Variants in MYO16 observed in about 807,000 individuals in gnomAD.
MYO16 encodes myosin XVI, also known as unconventional myosin-XVI.
MYO16 carries 94 observed loss-of-function variants against 205.3 expected under a neutral mutation model. That is an observed-to-expected ratio of 0.46 (90% CI 0.39 to 0.54). The LOEUF is 0.54. Among genes scored for constraint, MYO16 ranks in the 20% least tolerant of loss-of-function variants. MYO16 has a pLI of 0.00. For missense variants in MYO16, 2,315 were observed against 2,387.5 expected, an observed-to-expected ratio of 0.97 and a Z score of 0.63; for synonymous variants, 988 against 954.0, an observed-to-expected ratio of 1.04 and a Z score of -0.66.
intron 23 of MYO16, among the ~76,000 whole-genome samples, chr13:109,035,288 T>A (rs1886681914): frequency 6.6e-6 from 1 of 152,102 alleles, no homozygotes; most frequent in Non-Finnish European, 1.5e-5. Context: ...TAGCCCTGAG[T>A]ATACTTATAG....
intron 20 of MYO16, among the ~76,000 whole-genome samples, chr13:108,966,078 T>A (rs1883782781): frequency 1.3e-5 from 2 of 152,178 alleles, no homozygotes; most frequent in South Asian, 2.1e-4. Flanking sequence ...AATGTACACA[T>A]CTCAAATCCC....
intron 23 of MYO16, among the ~76,000 whole-genome samples, chr13:109,022,515 TTTG>T (rs1460887394): frequency 1.3e-4 from 2 of 14,852 alleles, no homozygotes; most frequent in African/African-American, 3.2e-4. Flanking sequence ...TATGTATATA[TTTG>T]TTATATATAC....
rs369631949 is a variant in MYO16, at chr13:108,790,109, G to A, written c.617-3407G>A. On this transcript the variant is annotated intron_variant, in intron 5 of 34. Transcript: ENST00000457511. ...TTGGAAAAGCCACGGAAGAGAGGTG[G>A]CGCAGATCCTCCCACAACTCGGGAG... Among the ~76,000 whole-genome samples, 25 of 152,292 alleles carry A rather than the reference G, an allele frequency of 1.6e-4. 2 individuals carry two copies. In the South Asian group the frequency reaches 5.2e-3, roughly 32 times the overall value.
At chr13:108,667,902 G>T (rs962806248) in intron 2 of MYO16, among the ~76,000 whole-genome samples, 2 of 151,960 alleles carry the variant, frequency 1.3e-5, no homozygotes, top group Non-Finnish European at 2.9e-5. Context: ...TTTAAAATTA[G>T]CTGGACCTGG....
In MYO16 at chr13:109,104,722, G is replaced by T. The variant is rs1889069500; in HGVS notation, c.3438+3835G>T. On this transcript the variant is annotated intron_variant, in intron 28 of 34. Coordinates refer to ENST00000457511, the MANE Select transcript of MYO16 (RefSeq NM_001198950.3). The stretch of plus-strand genomic sequence containing the variant: ...AAATGCATGTCAAAGGAGCATCGCT[G>T]CACCTTCGCAGCTAGAGCAAAGGCA... Among the ~76,000 whole-genome samples, 4 of 152,174 alleles carry T rather than the reference G, an allele frequency of 2.6e-5. No individual in the cohort carries two copies. In the South Asian group the frequency reaches 8.3e-4, roughly 32 times the overall value.
intron 27 of MYO16, among the ~76,000 whole-genome samples, chr13:109,088,479 T>C (rs2139684050): frequency 1.3e-5 from 2 of 152,284 alleles, no homozygotes; most frequent in Admixed American, 1.3e-4. Flanking sequence ...TCTTAGCAGA[T>C]GCTCTGAATT....
chr13:109,040,007 C>T (rs1886830492), intron 23 of MYO16, among the ~76,000 whole-genome samples: 1 of 151,914 alleles, frequency 6.6e-6, no homozygotes, highest in Admixed American at 6.6e-5. Flanking sequence ...TCATTATAGG[C>T]CCTGTAGACA....
chr13:108,752,659 T>G (rs76156703), intron 4 of MYO16, among the ~76,000 whole-genome samples: 1 of 151,024 alleles, frequency 6.6e-6, no homozygotes, highest in Non-Finnish European at 1.5e-5. Flanking sequence ...TTTTTTTTTT[T>G]GAGACGGAGT....
In MYO16 at chr13:109,055,561, C is replaced by T. The variant is rs1043293046; in HGVS notation, c.3301C>T (p.Pro1101Ser). 8.1e-6 allele frequency: 13 copies of T among 1,612,030 alleles called. No homozygotes were observed. Among genetic ancestry groups the T allele is most frequent in the Non-Finnish European group, 9.3e-6 (11 of 1,179,280 alleles). The change falls in exon 27 of 35, where the codon CCT (proline) becomes TCT (serine). Residue 1101 changes from proline (P) to serine (S), a missense_variant. Transcript: ENST00000457511. This position sits in a 1 kb window ranked among gnomAD's most constrained non-coding sequence, Gnocchi z 5.0. ...GGTGAAGATCTTCCGATATGGATACCCTGTTCGCCTTTCCTTCTCGGATTT... is the reference window on the plus strand; with the variant it reads ...GGTGAAGATCTTCCGATATGGATACTCTGTTCGCCTTTCCTTCTCGGATTT... ...EMVKIFRYGY[P>S]VRLSFSDFLS...
chr13:108,770,851 A>G (rs138755773), intron 4 of MYO16, among the ~76,000 whole-genome samples: 7 of 152,252 alleles, frequency 4.6e-5, no homozygotes, highest in Non-Finnish European at 1.0e-4. Flanking sequence ...TACCTAGACA[A>G]CAAGTCTAGG....
intron 34 of MYO16, among the ~76,000 whole-genome samples, chr13:109,199,238 AT>A (rs1880309002): frequency 1.0e-5 from 1 of 97,632 alleles, no homozygotes; most frequent in African/African-American, 3.9e-5. Flanking sequence ...ATATATATAT[AT>A]ACCGTCATTT....
chr13:109,002,354 G>A (rs1271138808), intron 21 of MYO16, among the ~76,000 whole-genome samples: 2 of 152,146 alleles, frequency 1.3e-5, no homozygotes, highest in Non-Finnish European at 2.9e-5. Flanking sequence ...AGCAGTTGGT[G>A]GAAATTTACT....
At chr13:109,191,370 T>A (rs541184532) in intron 34 of MYO16, among the ~76,000 whole-genome samples, 9 of 152,004 alleles carry the variant, frequency 5.9e-5, no homozygotes, top group African/African-American at 2.2e-4. Context: ...AATTCTAGCA[T>A]GGAAAAATAG....
intron 1 of MYO16, among the ~76,000 whole-genome samples, chr13:108,641,256 A>G (rs1880490639): frequency 6.6e-6 from 1 of 152,234 alleles, no homozygotes; most frequent in African/African-American, 2.4e-5. Context: ...GTTCAGCTTA[A>G]CACAGTCTTT....
intron 21 of MYO16, among the ~76,000 whole-genome samples, chr13:108,994,049 G>C (rs540425824): frequency 6.6e-6 from 1 of 152,064 alleles, no homozygotes; most frequent in Non-Finnish European, 1.5e-5. Context: ...TGATGAATAC[G>C]TGCAAAACTT....
At chr13:108,789,255 T>C (rs1243357849) in intron 5 of MYO16, among the ~76,000 whole-genome samples, 1 of 152,214 alleles carries the variant, frequency 6.6e-6, no homozygotes, top group African/African-American at 2.4e-5. Context: ...TGTTGCCAAT[T>C]CTTACAGATT....
At chr13:108,574,304 A>G in the MYO16 span, among the ~76,000 whole-genome samples, 1 of 152,138 alleles carries the variant, frequency 6.6e-6, no homozygotes, top group East Asian at 1.9e-4. Context: ...TAAAAGCTCC[A>G]TGGTTATATG....
At chr13:108,518,454 G>A in the MYO16 span, among the ~76,000 whole-genome samples, 1 of 152,076 alleles carries the variant, frequency 6.6e-6, no homozygotes, top group Non-Finnish European at 1.5e-5. Context: ...TGATTTTTTA[G>A]GGTCTTCTAA....
At chr13:109,044,826 A>T (rs1886987926) in intron 23 of MYO16, among the ~76,000 whole-genome samples, 1 of 152,104 alleles carries the variant, frequency 6.6e-6, no homozygotes, top group Non-Finnish European at 1.5e-5. Context: ...AGTACCTGGG[A>T]TTACAGGCGT....
Sources: allele counts gnomAD v4.1 joint callset (sites outside exome capture counted in the v4.1 genomes callset), GRCh38; gene constraint gnomAD v4.1.1; non-coding constraint Gnocchi (gnomAD v3.1); transcripts MANE v1.5; gene names NCBI Gene and HGNC (gene_info 2026-07-23, HGNC 2026-07-21).